The following ATG7 variants were observed in gnomAD, a reference collection of about 807,000 sequenced individuals.
ATG7 encodes the protein autophagy related 7, also known as ubiquitin-like modifier-activating enzyme ATG7.
A neutral mutation model predicts 82.4 loss-of-function variants in ATG7; 70 were observed. The observed-to-expected ratio is 0.85, with a 90% confidence interval of 0.70 to 1.04. The LOEUF is 1.04. ATG7 is among the 50% of genes least tolerant of loss of function. ATG7 has a pLI of 0.00. For synonymous variants in ATG7, 287 were observed against 313.0 expected, an observed-to-expected ratio of 0.92 and a Z score of 0.88; for missense variants, 792 against 864.3, an observed-to-expected ratio of 0.92 and a Z score of 1.05.
intron 19 of ATG7, among the ~76,000 whole-genome samples, chr3:11,406,731 A>C (rs1210234908): frequency 6.6e-6 from 1 of 152,204 alleles, no homozygotes; most frequent in Non-Finnish European, 1.5e-5. Flanking sequence ...TGGCAGCAGG[A>C]AAACAGAGCT....
chr3:11,367,016 T>TG, intron 18 of ATG7, among the ~76,000 whole-genome samples: 1 of 151,328 alleles, frequency 6.6e-6, no homozygotes, highest in South Asian at 2.1e-4. Context: ...TGTGTGTGTT[T>TG]ACTTGCTTAC....
intron 20 of ATG7, among the ~76,000 whole-genome samples, chr3:11,496,696 C>T (rs1166987556): frequency 6.6e-6 from 1 of 152,032 alleles, no homozygotes; most frequent in Non-Finnish European, 1.5e-5. Flanking sequence ...TCTTGTTGTA[C>T]CCTGTTTGAG....
rs370690554 is a variant in ATG7 at position 11,348,146 on chromosome 3, C to G, written c.1284+111C>G. Reference sequence around the variant, plus strand: ...AGAGTCAGATATCTGTCACTTTCTACCAGCCACTCGCTATGTGGCTGAACC... The same window carrying G: ...AGAGTCAGATATCTGTCACTTTCTAGCAGCCACTCGCTATGTGGCTGAACC... On this transcript the variant is annotated intron_variant, in intron 14 of 20. Transcript: ENST00000693202. 5.3e-5 allele frequency: 75 copies of G among 1,405,396 alleles called. No individual in the cohort carries two copies. In the African/African-American group the frequency reaches 9.1e-4, roughly 17 times the overall value. The allele number at this position is 1,405,396 out of a possible 1,614,324, so 87.1% of individuals were successfully genotyped here.
At chr3:11,366,218 C>CAAAAAA (rs1296231136) in intron 18 of ATG7, among the ~76,000 whole-genome samples, 5 of 60,642 alleles carry the variant, frequency 8.2e-5, no homozygotes, top group Non-Finnish European at 1.1e-4. Flanking sequence ...GACTCCATCT[C>CAAAAAA]AAAAAAAAAA....
chr3:11,385,449 G>A (rs1009360385), intron 19 of ATG7, among the ~76,000 whole-genome samples: 2 of 152,256 alleles, frequency 1.3e-5, no homozygotes, highest in Non-Finnish European at 2.9e-5. Context: ...ACTGTTATCT[G>A]TTAGCAGACA....
intron 20 of ATG7, among the ~76,000 whole-genome samples, chr3:11,452,714 C>CTT (rs1250020437): frequency 2.0e-5 from 3 of 152,120 alleles, no homozygotes; most frequent in African/African-American, 4.8e-5. Flanking sequence ...TCACCACAGG[C>CTT]TTGAAGACTG....
In ATG7 at chr3:11,388,705, G is replaced by A. The variant is rs571329587; in HGVS notation, c.1956+8653G>A. Among the ~76,000 whole-genome samples, 23 of 152,040 alleles carry A rather than the reference G, an allele frequency of 1.5e-4. No homozygotes were observed. The South Asian group carries it at 3.5e-3, about 23-fold the overall frequency. On this transcript the variant is annotated intron_variant, in intron 19 of 20. Coordinates refer to ENST00000693202, the MANE Select transcript of ATG7 (RefSeq NM_001349232.2). ...GGCCTCCCAAAGTGCTGGGATTACA[G>A]GTGTGAGCCACTGCGCCAGGCCCCT...
At chr3:11,451,870 TACAC>T (rs1196954957) in intron 20 of ATG7, among the ~76,000 whole-genome samples, 1 of 141,746 alleles carries the variant, frequency 7.1e-6, no homozygotes, top group Non-Finnish European at 1.5e-5. Flanking sequence ...CGCCTTTACA[TACAC>T]ACACACACAC....
rs372951608 is a variant in ATG7, at chr3:11,461,749, G to A, written c.2079+34823G>A. Among the ~76,000 whole-genome samples, 13 of 151,940 alleles carry A rather than the reference G, an allele frequency of 8.6e-5. No individual in the cohort carries two copies. The East Asian group carries it at 1.8e-3, about 20-fold the overall frequency. ...ATTTTAAAGATGTGGACTCTGGGCC[G>A]GGCGCAGTGGCTCACACCTGTAATC... On this transcript the variant is annotated intron_variant, in intron 20 of 20. Coordinates refer to ENST00000693202, the MANE Select transcript of ATG7 (RefSeq NM_001349232.2).
chr3:11,318,138 T>C (rs1949704127), intron 9 of ATG7, among the ~76,000 whole-genome samples: 1 of 152,216 alleles, frequency 6.6e-6, no homozygotes, highest in African/African-American at 2.4e-5. Context: ...TGAAGTGCTC[T>C]GAGGGATTCA....
chr3:11,432,693 C>T (rs1280521024), intron 20 of ATG7, among the ~76,000 whole-genome samples: 1 of 152,094 alleles, frequency 6.6e-6, no homozygotes, highest in Non-Finnish European at 1.5e-5. Context: ...TATTCTTTGC[C>T]AAATTATAGT....
chr3:11,568,858 C>A, the ATG7 span: 1 of 1,379,762 alleles, frequency 7.2e-7, no homozygotes, highest in Admixed American at 3.1e-5. This position sits in a 1 kb window ranked among gnomAD's most constrained non-coding sequence, Gnocchi z 5.9. Context: ...CCAGGCCTAT[C>A]AGAGCCGCTG....
chr3:11,400,127 T>C (rs2079688642), intron 19 of ATG7, among the ~76,000 whole-genome samples: 1 of 152,204 alleles, frequency 6.6e-6, no homozygotes, highest in African/African-American at 2.4e-5. Context: ...ACACTGTGTC[T>C]TTCAGAGAAT....
downstream of ATG7, chr3:11,559,309 G>A (rs887845057): frequency 5.3e-6 from 8 of 1,518,970 alleles, no homozygotes; most frequent in Admixed American, 6.4e-5. Context: ...GCTGTGACAG[G>A]TGAGGAGGCC....
rs542055489 is a variant in ATG7, at chr3:11,310,281, A to AGTAAT, written c.411+1223_411+1227dup. 1.1e-4 allele frequency among the ~76,000 whole-genome samples: 17 copies of AGTAAT among 152,358 alleles called. No homozygotes were observed. The East Asian group carries it at 3.3e-3, about 29-fold the overall frequency. On this transcript the variant is annotated intron_variant, in intron 7 of 20. Transcript: ENST00000693202. ...TTCTTTGGAGCGGGCATATAAACAC[A>AGTAAT]GTAATGTTGCTGTGTATTAAGTGTG...
chr3:11,301,084 G>A (rs959299505), intron 5 of ATG7, among the ~76,000 whole-genome samples: 3 of 152,106 alleles, frequency 2.0e-5, no homozygotes, highest in Admixed American at 6.6e-5. Context: ...AAGGACACAG[G>A]GGTTGTCAGA....
At chr3:11,492,086 TCA>T (rs1428268873) in intron 20 of ATG7, among the ~76,000 whole-genome samples, 1 of 152,278 alleles carries the variant, frequency 6.6e-6, no homozygotes, top group East Asian at 1.9e-4. Context: ...CAGTTTGATC[TCA>T]GACTGCTGTG....
intron 1 of ATG7, among the ~76,000 whole-genome samples, chr3:11,278,891 G>A (rs993424951): frequency 6.6e-6 from 1 of 152,214 alleles, no homozygotes; most frequent in African/African-American, 2.4e-5. Context: ...GAGGGAGTCA[G>A]GGAAGGCTTC....
chr3:11,415,052 C>T (rs2081249047), intron 19 of ATG7, among the ~76,000 whole-genome samples: 1 of 152,226 alleles, frequency 6.6e-6, no homozygotes, highest in African/African-American at 2.4e-5. Context: ...AAGCCTACTG[C>T]ACACCTAGGC....
Sources: gnomAD v4.1 joint callset for allele counts (sites outside exome capture counted in the v4.1 genomes callset) on GRCh38, gnomAD v4.1.1 for gene constraint, Gnocchi (gnomAD v3.1) non-coding constraint, MANE v1.5 for transcripts, NCBI Gene and HGNC (gene_info 2026-07-23, HGNC 2026-07-21) for gene names.